The following RCAN2 variants were observed in gnomAD, a reference collection of about 807,000 sequenced individuals.
RCAN2 encodes calcipressin-2.
Under a neutral mutation model 23.6 loss-of-function variants are expected in RCAN2, and 9 were observed. That is an observed-to-expected ratio of 0.38 (90% CI 0.23 to 0.67). RCAN2 has a LOEUF of 0.67. RCAN2 is among the 30% of genes least tolerant of loss of function. The probability of loss-of-function intolerance (pLI) is 0.51; values close to 1 mark genes in which losing one functional copy is unlikely to be tolerated. For synonymous variants in RCAN2, 109 were observed against 115.7 expected, an observed-to-expected ratio of 0.94 and a Z score of 0.37; for missense variants, 273 against 302.3, an observed-to-expected ratio of 0.90 and a Z score of 0.72.
At chr6:46,246,361 T>A (rs1345625099) in intron 4 of RCAN2, among the ~76,000 whole-genome samples, 1 of 152,170 alleles carries the variant, frequency 6.6e-6, no homozygotes, top group African/African-American at 2.4e-5. Flanking sequence ...GTGACAGCAA[T>A]AAAACTGGGT....
In RCAN2 at chr6:46,262,445, G is replaced by C. The variant is rs1000356642; in HGVS notation, c.226-13549C>G. Among the ~76,000 whole-genome samples the C allele has an allele frequency of 7.6e-4, 116 of 152,238 alleles. 1 individual carries two copies. The highest frequency in any genetic ancestry group is 2.6e-3 in the African/African-American group (106 of 41,532). On this transcript the variant is annotated intron_variant, in intron 2 of 4. Transcript: ENST00000371374. ...AATCAACCTTGGAAGCCTGCTGCTA[G>C]AGAGGTCTTTCTAAAAGAGAAAATT...
chr6:46,474,618 G>T (rs944216746), intron 1 of RCAN2, among the ~76,000 whole-genome samples: 1 of 152,174 alleles, frequency 6.6e-6, no homozygotes, highest in Non-Finnish European at 1.5e-5. Context: ...AGAGAAGTGG[G>T]AGAATTAGGA....
chr6:46,427,641 G>A (rs1461516847), intron 2 of RCAN2, among the ~76,000 whole-genome samples: 1 of 152,150 alleles, frequency 6.6e-6, no homozygotes, highest in Non-Finnish European at 1.5e-5. Context: ...CATTCTCATT[G>A]CTTTCTGACA....
intron 2 of RCAN2, among the ~76,000 whole-genome samples, chr6:46,285,131 C>G (rs1200285664): frequency 6.6e-6 from 1 of 152,224 alleles, no homozygotes; most frequent in Non-Finnish European, 1.5e-5. Flanking sequence ...AATGCACACA[C>G]ACACATACCC....
chr6:46,340,091 T>C (rs1385948614), intron 2 of RCAN2, among the ~76,000 whole-genome samples: 1 of 152,116 alleles, frequency 6.6e-6, no homozygotes, highest in East Asian at 1.9e-4. Context: ...AATGCATGAG[T>C]GAATGATAAG....
intron 1 of RCAN2, among the ~76,000 whole-genome samples, chr6:46,476,386 A>G (rs1280446407): frequency 6.6e-6 from 1 of 152,226 alleles, no homozygotes; most frequent in Non-Finnish European, 1.5e-5. Flanking sequence ...CTGAATATTA[A>G]TAACATAATT....
intron 2 of RCAN2, among the ~76,000 whole-genome samples, chr6:46,410,836 C>A (rs1766531927): frequency 6.6e-6 from 1 of 152,184 alleles, no homozygotes; most frequent in African/African-American, 2.4e-5. Flanking sequence ...ATTAAGCTAT[C>A]TATCAATTTC....
At chr6:46,472,467 C>A (rs1320962169) in intron 1 of RCAN2, among the ~76,000 whole-genome samples, 1 of 152,136 alleles carries the variant, frequency 6.6e-6, no homozygotes, top group Non-Finnish European at 1.5e-5. Flanking sequence ...TTAGTTTAAT[C>A]TCTGTCAAAT....
intron 2 of RCAN2, among the ~76,000 whole-genome samples, chr6:46,417,755 G>A (rs570556408): frequency 1.5e-4 from 23 of 152,242 alleles, no homozygotes; most frequent in African/African-American, 5.3e-4. Context: ...GAACTAAAAC[G>A]CTGTCTTAAG....
At chr6:46,405,757 G>A (rs577840296) in intron 2 of RCAN2, among the ~76,000 whole-genome samples, 44 of 152,338 alleles carry the variant, frequency 2.9e-4, no homozygotes, top group African/African-American at 1.0e-3. Context: ...GTCCCGCACC[G>A]TGCGCTCGCA....
intron 1 of RCAN2, among the ~76,000 whole-genome samples, chr6:46,460,358 A>T (rs1768172512): frequency 6.6e-6 from 1 of 152,200 alleles, no homozygotes; most frequent in South Asian, 2.1e-4. Context: ...CACTGTGCCC[A>T]GCCTGGTTTG....
At chr6:46,303,753 A>G (rs1305041195) in intron 2 of RCAN2, among the ~76,000 whole-genome samples, 1 of 152,118 alleles carries the variant, frequency 6.6e-6, no homozygotes, top group Non-Finnish European at 1.5e-5. Flanking sequence ...ATAAGCATGT[A>G]CTTTTAAAAT....
At chr6:46,236,577 C>A (rs1386114784) in intron 4 of RCAN2, among the ~76,000 whole-genome samples, 2 of 152,046 alleles carry the variant, frequency 1.3e-5, no homozygotes, top group Non-Finnish European at 2.9e-5. Context: ...TTTGTGACTG[C>A]TGCAGCTTAA....
intron 2 of RCAN2, among the ~76,000 whole-genome samples, chr6:46,455,312 G>A (rs1015618466): frequency 6.6e-6 from 1 of 152,018 alleles, no homozygotes; most frequent in Non-Finnish European, 1.5e-5. Flanking sequence ...AATTTCAACA[G>A]TTCAACTCCA....
chr6:46,420,131 G>C (rs116212663), intron 2 of RCAN2, among the ~76,000 whole-genome samples: 6,765 of 151,092 alleles, frequency 0.045, 294 homozygotes, highest in South Asian at 0.12. Context: ...AAGACAGGCA[G>C]ATAAACAGAG....
chr6:46,347,039 C>A (rs1218063371), intron 2 of RCAN2, among the ~76,000 whole-genome samples: 2 of 152,016 alleles, frequency 1.3e-5, no homozygotes, highest in Non-Finnish European at 2.9e-5. Flanking sequence ...CCACGCCTGG[C>A]TAATTTTTTG....
intron 2 of RCAN2, among the ~76,000 whole-genome samples, chr6:46,362,951 C>T (rs1024679525): frequency 2.6e-5 from 4 of 152,022 alleles, no homozygotes; most frequent in African/African-American, 9.7e-5. Context: ...CTGTATTGTG[C>T]AGAAATTATT....
intron 2 of RCAN2, among the ~76,000 whole-genome samples, chr6:46,300,885 A>C (rs965428290): frequency 3.9e-5 from 6 of 152,058 alleles, no homozygotes; most frequent in African/African-American, 1.4e-4. Flanking sequence ...TTAATTAAAA[A>C]AAATGAAAAC....
chr6:46,444,554 T>A (rs1032088103), intron 2 of RCAN2, among the ~76,000 whole-genome samples: 1 of 151,330 alleles, frequency 6.6e-6, no homozygotes, highest in African/African-American at 2.4e-5. Flanking sequence ...GCCCACAAAG[T>A]CCCAGGCTTT....
Sources: allele counts gnomAD v4.1 joint callset (sites outside exome capture counted in the v4.1 genomes callset), GRCh38; gene constraint gnomAD v4.1.1; transcripts MANE v1.5; gene names NCBI Gene and HGNC (gene_info 2026-07-23, HGNC 2026-07-21).